SCN11A: variants seen among roughly 807,000 people sequenced by gnomAD.
The protein encoded by SCN11A is sodium channel protein type 11 subunit alpha.
Under a neutral mutation model 162.2 loss-of-function variants are expected in SCN11A, and 122 were observed. The ratio of observed to expected loss-of-function variants is 0.75; its 90% confidence interval spans 0.65 to 0.87. The LOEUF (loss-of-function observed/expected upper bound fraction) is 0.87, where lower values mean the gene tolerates loss of function less well. SCN11A is among the 40% of genes least tolerant of loss of function. SCN11A has a pLI of 0.00. For missense variants in SCN11A, 2,015 were observed against 2,181.6 expected (o/e 0.92, Z 1.52); for synonymous variants, 758 against 751.5 (o/e 1.01, Z -0.14).
At chr3:38,861,848 G>A (rs1487731954) in intron 28 of SCN11A, among the ~76,000 whole-genome samples, 1 of 151,948 alleles carries the variant, frequency 6.6e-6, no homozygotes, top group Admixed American at 6.6e-5. Context: ...TCATGACCAA[G>A]AACCCAAATG....
intron 2 of SCN11A, among the ~76,000 whole-genome samples, chr3:38,963,493 GAT>G (rs1220880135): frequency 1.8e-4 from 26 of 140,876 alleles, no homozygotes; most frequent in African/African-American, 6.3e-4. Context: ...ATATGATGGA[GAT>G]ATATATATAT....
chr3:38,926,240 C>G lies in SCN11A; in HGVS notation c.617+563G>C, dbSNP rs1575300341. ...CTTACACCATACATGATAATTAACTCAAAATGGACCATGGACTGAAACATA... is the reference window on the plus strand; with the variant it reads ...CTTACACCATACATGATAATTAACTGAAAATGGACCATGGACTGAAACATA... On this transcript the variant is annotated intron_variant, in intron 8 of 29. Transcript: ENST00000302328. 2.6e-5 allele frequency among the ~76,000 whole-genome samples: 4 copies of G among 152,294 alleles called. No individual in the cohort carries two copies. In the South Asian group the frequency reaches 8.3e-4, roughly 32 times the overall value.
In SCN11A at chr3:38,909,213, G is replaced by A. The variant is rs541492056; in HGVS notation, c.1102-19C>T. On this transcript the variant is annotated intron_variant, in intron 12 of 29. Transcript: ENST00000302328. ...GCAGGGTCTGCAAAGGACAGAGCAT[G>A]TTCTTGAATATCAAACCTTCTTCCA... is the stretch of plus-strand genomic sequence containing the variant. The A allele has an allele frequency of 6.1e-5, 99 of 1,611,680 alleles. No individual in the cohort carries two copies. The highest frequency in any genetic ancestry group is 3.1e-4 in the East Asian group (14 of 44,840).
intron 2 of SCN11A, among the ~76,000 whole-genome samples, chr3:38,999,824 TAA>T (rs2030754575): frequency 1.3e-5 from 2 of 152,326 alleles, no homozygotes; most frequent in Admixed American, 1.3e-4. Context: ...TCCCAACTTA[TAA>T]TTATAGGTAC....
chr3:38,884,399 G>A (rs1254954517), intron 21 of SCN11A, among the ~76,000 whole-genome samples: 2 of 152,148 alleles, frequency 1.3e-5, no homozygotes, highest in African/African-American at 2.4e-5. Flanking sequence ...TAAGCAACCT[G>A]GAATGTGAGT....
chr3:39,035,768 T>TA (rs1359737316), intron 1 of SCN11A, among the ~76,000 whole-genome samples: 1 of 151,722 alleles, frequency 6.6e-6, no homozygotes, highest in Non-Finnish European at 1.5e-5. Flanking sequence ...GCCTCCCGAG[T>TA]AGCTGGGACT....
At chr3:38,861,881 A>C (rs1304999429) in intron 28 of SCN11A, among the ~76,000 whole-genome samples, 1 of 152,188 alleles carries the variant, frequency 6.6e-6, no homozygotes. Flanking sequence ...AAACAAAAAT[A>C]AATAAATGAG....
chr3:39,031,359 C>A (rs1575366258), intron 2 of SCN11A, among the ~76,000 whole-genome samples: 3 of 152,126 alleles, frequency 2.0e-5, no homozygotes. Context: ...AACCCCATCT[C>A]TACTAAAAAT....
chr3:38,942,387 T>C (rs2066455560), intron 7 of SCN11A, among the ~76,000 whole-genome samples: 1 of 152,174 alleles, frequency 6.6e-6, no homozygotes, highest in African/African-American at 2.4e-5. Flanking sequence ...TATTTAAGAA[T>C]GTGGCAGAAT....
intron 21 of SCN11A, among the ~76,000 whole-genome samples, chr3:38,884,860 AC>A (rs2065368512): frequency 6.6e-6 from 1 of 152,246 alleles, no homozygotes; most frequent in Non-Finnish European, 1.5e-5. Context: ...TGAACAAGTC[AC>A]ACAGCTCATA....
chr3:38,945,140 T>C (rs2066496894), intron 7 of SCN11A, among the ~76,000 whole-genome samples: 1 of 152,216 alleles, frequency 6.6e-6, no homozygotes, highest in Admixed American at 6.5e-5. Context: ...AAGTACATTA[T>C]GGTTTATTCA....
intron 19 of SCN11A, among the ~76,000 whole-genome samples, chr3:38,891,331 A>C (rs777694188): frequency 3.9e-5 from 6 of 152,154 alleles, no homozygotes; most frequent in Non-Finnish European, 7.4e-5. Flanking sequence ...TTAAAGATGA[A>C]TCAACAGAGA....
At chr3:38,849,547 T>G (rs1015922572) in intron 29 of SCN11A, 2 of 152,180 alleles carry the variant, frequency 1.3e-5, no homozygotes, top group Non-Finnish European at 2.9e-5. Context: ...GCAAAAAAGC[T>G]TCCATTTGGA....
chr3:38,971,969 G>T (rs1269827390), intron 2 of SCN11A, among the ~76,000 whole-genome samples: 3 of 152,168 alleles, frequency 2.0e-5, no homozygotes, highest in Non-Finnish European at 2.9e-5. Context: ...AGGCAGAGAG[G>T]TAGGGAGGGG....
intron 11 of SCN11A, among the ~76,000 whole-genome samples, chr3:38,911,197 C>T (rs2065882995): frequency 6.6e-6 from 1 of 152,120 alleles, no homozygotes; most frequent in Non-Finnish European, 1.5e-5. Context: ...CCTCATTCTT[C>T]TGGAGCACTT....
intron 1 of SCN11A, among the ~76,000 whole-genome samples, chr3:39,034,410 T>C (rs1376568423): frequency 1.3e-5 from 2 of 152,088 alleles, no homozygotes; most frequent in Non-Finnish European, 2.9e-5. Flanking sequence ...CATCCCTTCA[T>C]GATAAAAAAA....
intron 14 of SCN11A, among the ~76,000 whole-genome samples, chr3:38,907,667 C>T (rs2065821068): frequency 6.6e-6 from 1 of 152,114 alleles, no homozygotes; most frequent in Admixed American, 6.6e-5. Context: ...GCCTTCTTAT[C>T]AGTATATCTT....
chr3:39,046,879 C>T lies in SCN11A; in HGVS notation c.-404+4982G>A, dbSNP rs545483665. Among the ~76,000 whole-genome samples, 6 of 152,082 alleles carry T rather than the reference C, an allele frequency of 3.9e-5. No individual in the cohort carries two copies. In the South Asian group the frequency reaches 6.3e-4, roughly 16 times the overall value. On this transcript the variant is annotated intron_variant, in intron 1 of 29. Transcript: ENST00000302328. Reference sequence around the variant, plus strand: ...AGGACTACAGGCATGCACCACCATGCCCGGTTAATTTTTGTATTTTTTGAT... The same window carrying T: ...AGGACTACAGGCATGCACCACCATGTCCGGTTAATTTTTGTATTTTTTGAT...
intron 29 of SCN11A, 37 bp downstream of exon 29, chr3:38,850,444 G>A (rs1171085551): frequency 5.8e-6 from 9 of 1,564,722 alleles, no homozygotes; most frequent in Non-Finnish European, 7.8e-6. Context: ...ACTTACTTCT[G>A]GTTCTTAAAG....
Sources: gnomAD v4.1 joint callset for allele counts (sites outside exome capture counted in the v4.1 genomes callset) on GRCh38, gnomAD v4.1.1 for gene constraint, MANE v1.5 for transcripts, NCBI Gene and HGNC (gene_info 2026-07-23, HGNC 2026-07-21) for gene names.